WLS: variants seen among roughly 807,000 people sequenced by gnomAD.
The protein encoded by WLS is protein wntless homolog.
A neutral mutation model predicts 62.8 loss-of-function variants in WLS; 23 were observed. The ratio of observed to expected loss-of-function variants is 0.37; its 90% CI spans 0.26 to 0.52. WLS has a LOEUF of 0.52. Ranked by LOEUF, WLS falls within the 20% of genes least tolerant of loss-of-function variation. The probability of loss-of-function intolerance (pLI) is 0.92; values close to 1 mark genes in which losing one functional copy is unlikely to be tolerated. For synonymous variants in WLS, 246 were observed against 244.1 expected (o/e 1.01, Z -0.07); for missense variants, 615 against 697.3 (o/e 0.88, Z 1.33).
intron 2 of WLS, among the ~76,000 whole-genome samples, chr1:68,167,166 A>C (rs966277471): frequency 6.6e-6 from 1 of 152,210 alleles, no homozygotes; most frequent in African/African-American, 2.4e-5. Context: ...AGCAGAAAGC[A>C]TGAAGGGTAA....
chr1:68,208,720 A>C (rs1557521328), intron 1 of WLS, among the ~76,000 whole-genome samples: 1 of 152,222 alleles, frequency 6.6e-6, no homozygotes, highest in African/African-American at 2.4e-5. Context: ...TAGAGGCAAC[A>C]TGAGAAAGTA....
intron 6 of WLS, among the ~76,000 whole-genome samples, chr1:68,149,753 G>A (rs1570894546): frequency 6.6e-6 from 1 of 152,140 alleles, no homozygotes; most frequent in South Asian, 2.1e-4. Context: ...AAAGAGCCAG[G>A]CCCACATTCT....
intron 11 of WLS, among the ~76,000 whole-genome samples, chr1:68,106,716 C>CTGTG (rs59601112): frequency 0.022 from 3,174 of 146,764 alleles, 60 homozygotes; most frequent in African/African-American, 0.05. Context: ...GTGTTTGTCA[C>CTGTG]TGTGTGTGTG....
At chr1:68,211,890 C>T (rs148663915) in intron 1 of WLS, among the ~76,000 whole-genome samples, 8 of 152,276 alleles carry the variant, frequency 5.3e-5, no homozygotes, top group African/African-American at 1.7e-4. Flanking sequence ...TGCCTGGCTG[C>T]ATCTGGGAAA....
chr1:68,227,483 GTTTTT>G (rs577832812), intron 1 of WLS, among the ~76,000 whole-genome samples: 1 of 149,598 alleles, frequency 6.7e-6, no homozygotes, highest in Non-Finnish European at 1.5e-5. Context: ...AAATAGTTAA[GTTTTT>G]TTTAAGTCAA....
intron 2 of WLS, among the ~76,000 whole-genome samples, chr1:68,160,665 C>T (rs568833451): frequency 6.6e-6 from 1 of 152,240 alleles, no homozygotes; most frequent in Middle Eastern, 3.4e-3. Flanking sequence ...GTAACAGTAA[C>T]TCACACTGAA....
chr1:68,171,339 C>T (rs1228769182), intron 2 of WLS, among the ~76,000 whole-genome samples: 1 of 152,126 alleles, frequency 6.6e-6, no homozygotes, highest in Non-Finnish European at 1.5e-5. Flanking sequence ...AACTAAACAG[C>T]TTCTGCACAG....
At chr1:68,138,034 T>G in intron 10 of WLS, 101 bp from the exon 11 acceptor site, 1 of 1,420,916 alleles carries the variant, frequency 7.0e-7, no homozygotes, top group Admixed American at 2.1e-5. Flanking sequence ...AAGTCTCTTC[T>G]ACATGTGGGA....
At chr1:68,117,909 C>T (rs74518584) in intron 11 of WLS, among the ~76,000 whole-genome samples, 2,270 of 151,966 alleles carry the variant, frequency 0.015, 56 homozygotes, top group African/African-American at 0.052. Flanking sequence ...GCTAGGATAA[C>T]TGTCTGGAAA....
At chr1:68,131,138 C>T (rs1274753621) in intron 11 of WLS, among the ~76,000 whole-genome samples, 1 of 150,646 alleles carries the variant, frequency 6.6e-6, no homozygotes, top group Non-Finnish European at 1.5e-5. Context: ...GTCTCGATCT[C>T]CTGACCTTGT....
At chr1:68,120,769 G>A (rs570343232), downstream of WLS, among the ~76,000 whole-genome samples, 6 of 152,334 alleles carry the variant, frequency 3.9e-5, no homozygotes, top group African/African-American at 1.4e-4. Context: ...ATAAAGGAGA[G>A]AGGCCTAGGC....
chr1:68,179,761 C>G (rs1372072597), intron 2 of WLS, among the ~76,000 whole-genome samples: 2 of 152,194 alleles, frequency 1.3e-5, no homozygotes, highest in Non-Finnish European at 2.9e-5. Context: ...CTCTTTGCAT[C>G]TGGTCTTCCC....
At chr1:68,127,589 C>T (rs2772310) in intron 11 of WLS, among the ~76,000 whole-genome samples, 4,182 of 152,178 alleles carry the variant, frequency 0.027, 206 homozygotes, top group African/African-American at 0.096. Context: ...TGGGGGTGCA[C>T]GTGTGCACAC....
downstream of WLS, among the ~76,000 whole-genome samples, chr1:68,123,171 A>G (rs1646384543): frequency 6.6e-6 from 1 of 151,924 alleles, no homozygotes; most frequent in Admixed American, 6.6e-5. Context: ...TTCCCACCAC[A>G]ATTGCCCACT....
intron 2 of WLS, among the ~76,000 whole-genome samples, chr1:68,180,056 C>A (rs1647464196): frequency 6.6e-6 from 1 of 151,848 alleles, no homozygotes; most frequent in Admixed American, 6.6e-5. Context: ...TCAGGCCAAG[C>A]AAATGACTGA....
At chr1:68,173,651 T>C (rs1647187765) in intron 2 of WLS, among the ~76,000 whole-genome samples, 1 of 151,902 alleles carries the variant, frequency 6.6e-6, no homozygotes, top group Admixed American at 6.6e-5. Context: ...AGGGATGGGG[T>C]CGCTCCATGG....
At chr1:68,143,723 G>A (rs1357910160) in intron 10 of WLS, among the ~76,000 whole-genome samples, 1 of 152,092 alleles carries the variant, frequency 6.6e-6, no homozygotes, top group Non-Finnish European at 1.5e-5. Flanking sequence ...CCCTTAATGA[G>A]GAACTCACAT....
intron 1 of WLS, among the ~76,000 whole-genome samples, chr1:68,230,641 T>G (rs965139265): frequency 6.6e-6 from 1 of 151,460 alleles, no homozygotes; most frequent in Non-Finnish European, 1.5e-5. Flanking sequence ...AGAAAGAAAA[T>G]GTGAAGCTGT....
intron 1 of WLS, among the ~76,000 whole-genome samples, chr1:68,225,675 T>C (rs1390960895): frequency 6.6e-6 from 1 of 152,190 alleles, no homozygotes; most frequent in Middle Eastern, 3.2e-3. Flanking sequence ...TATGCATGGG[T>C]GTGCATACAA....
Sources: allele counts gnomAD v4.1 joint callset (sites outside exome capture counted in the v4.1 genomes callset), GRCh38; gene constraint gnomAD v4.1.1; transcripts MANE v1.5; gene names NCBI Gene and HGNC (gene_info 2026-07-23, HGNC 2026-07-21).